Variants in C18orf54 observed in about 807,000 individuals in gnomAD.
C18orf54 encodes the protein lung adenoma susceptibility protein 2.
C18orf54 carries 49 observed loss-of-function variants against 49.3 expected under a neutral mutation model. The observed-to-expected ratio is 0.99, with a 90% CI of 0.79 to 1.26. The LOEUF (loss-of-function observed/expected upper bound fraction) is 1.26. Among genes scored for constraint, C18orf54 ranks in the 50% most tolerant of loss-of-function variants. The pLI, the probability that C18orf54 is intolerant of heterozygous loss-of-function variation, is 0.00. For synonymous variants in C18orf54, 211 were observed against 216.6 expected, an observed-to-expected ratio of 0.97 and a Z score of 0.23; for missense variants, 687 against 620.6, an observed-to-expected ratio of 1.11 and a Z score of -1.14.
rs988889013 is a variant in C18orf54 at position 54,380,947 on chromosome 18, G to A, written c.*2701G>A. On this transcript the variant is annotated 3_prime_UTR_variant, in exon 9 of 9. Transcript: ENST00000620105. ...TCAAAAGGCAAGTAGCATGAAAGAA[G>A]ACAGAAGAAGCAAAAGGCTAATACA... 6.6e-6 allele frequency: 1 copy of A among 152,100 alleles called. No individual in the cohort carries two copies. Among genetic ancestry groups the A allele is most frequent in the Non-Finnish European group, 1.5e-5 (1 of 67,980 alleles). 9.4% of individuals were successfully genotyped at this position (152,100 alleles called of 1,614,324 possible). A position where few individuals can be genotyped will look rare whatever the true frequency, so the allele number is the denominator to read the frequency against.
At position 54,375,176 on chromosome 18, in the gene C18orf54, T is replaced by A. The variant is rs750887084; in HGVS notation, c.1529+892T>A. ...ATACCTAATAGAATTCAGTGAATAA[T>A]GATAGTAATAGCTAACATTGAATGT... is the stretch of plus-strand genomic sequence containing the variant. On this transcript the variant is annotated intron_variant, in intron 8 of 8. Coordinates refer to ENST00000620105, the MANE Select transcript of C18orf54 (RefSeq NM_001288980.2). Among the ~76,000 whole-genome samples, 13 of 151,964 alleles carry A rather than the reference T, an allele frequency of 8.6e-5. No homozygotes were observed. The East Asian group carries it at 2.5e-3, about 29-fold the overall frequency.
At position 54,362,306 on chromosome 18, in the gene C18orf54, C is replaced by G. The variant is rs913307888; in HGVS notation, c.947C>G (p.Ser316Ter). ...TGTTTTGAATATGCTTTTGAACCCT[C>G]AAACTTTTCAAATTCCTTGAGTGAT... The part of the protein sequence containing the change: ...LDCFEYAFEP[S>*]NFSNSLSDDK... The change falls in exon 4 of 9, where the codon TCA becomes TGA. Residue 316 changes from serine to a stop codon, truncating the protein, a stop_gained. Coordinates refer to ENST00000620105, the MANE Select transcript of C18orf54 (RefSeq NM_001288980.2). LOFTEE classifies it high-confidence loss of function. 2 of 1,536,216 alleles carry G rather than the reference C, an allele frequency of 1.3e-6. No homozygotes were observed. The highest frequency in any genetic ancestry group is 8.7e-7 in the Non-Finnish European group (1 of 1,146,884).
Position 54,378,334 on chromosome 18 carries a change from T to A in C18orf54, c.*88T>A, listed in dbSNP as rs1023756004. On this transcript the variant is annotated 3_prime_UTR_variant, in exon 9 of 9. Transcript: ENST00000620105. ...ATTACTTAAACTGACAAAGTAAATA[T>A]AAGCCATACATTATTTTGTGGTTGG... 8.8e-7 allele frequency: 1 copy of A among 1,140,676 alleles called. No homozygotes were observed. The highest frequency in any genetic ancestry group is 1.6e-5 in the African/African-American group (1 of 64,046). The allele number at this position is 1,140,676 out of a possible 1,614,324, so 70.7% of individuals were successfully genotyped here.
intron 5 of C18orf54, among the ~76,000 whole-genome samples, chr18:54,363,352 C>T (rs950252700): frequency 2.6e-5 from 4 of 152,028 alleles, no homozygotes; most frequent in African/African-American, 4.8e-5. Flanking sequence ...GAGTCTTGCT[C>T]TGTCACCCAG....
chr18:54,377,474 A>G (rs906854670), intron 8 of C18orf54, among the ~76,000 whole-genome samples: 1 of 152,200 alleles, frequency 6.6e-6, no homozygotes, highest in African/African-American at 2.4e-5. Context: ...GAACTGAAAT[A>G]TAGGGGAGAG....
At chr18:54,366,568 T>G (rs1044844865) in intron 6 of C18orf54, among the ~76,000 whole-genome samples, 2 of 152,076 alleles carry the variant, frequency 1.3e-5, no homozygotes, top group Admixed American at 1.3e-4. Flanking sequence ...ATCTTGACTA[T>G]TGTGAATAAT....
intron 8 of C18orf54, among the ~76,000 whole-genome samples, chr18:54,376,254 G>C (rs2089568005): frequency 6.6e-6 from 1 of 152,180 alleles, no homozygotes; most frequent in South Asian, 2.1e-4. Flanking sequence ...GTCTGGCCTT[G>C]TCTAGTCCCT....
At chr18:54,378,026 T>C (rs2089604889) in intron 8 of C18orf54, 148 bp from the exon 9 acceptor site, 1 of 423,288 alleles carries the variant, frequency 2.4e-6, no homozygotes, top group African/African-American at 2.0e-5. Flanking sequence ...CAAGGTTTTA[T>C]AAGGAATAAG....
chr18:54,358,154 T>C (rs966196159), intron 1 of C18orf54, 79 bp downstream of exon 1: 21 of 152,488 alleles, frequency 1.4e-4, no homozygotes, highest in Admixed American at 1.2e-3. Context: ...GAGGGTGTCT[T>C]TTCGAGGGTT....
chr18:54,370,896 A>G (rs1190552359), intron 6 of C18orf54, among the ~76,000 whole-genome samples: 3 of 151,658 alleles, frequency 2.0e-5, no homozygotes, highest in South Asian at 2.1e-4. Context: ...CTCAGATGCT[A>G]TCTCCCAGGG....
At position 54,381,962 on chromosome 18, in the gene C18orf54, T is replaced by G. The variant is rs2089682160; in HGVS notation, c.*3716T>G. The stretch of plus-strand genomic sequence containing the variant: ...TTACATAGTGGTTTTAAATATTGAT[T>G]GATTGATATTCTAAACCTGGTTTCC... On this transcript the variant is annotated 3_prime_UTR_variant, in exon 9 of 9. Coordinates refer to ENST00000620105, the MANE Select transcript of C18orf54 (RefSeq NM_001288980.2). 1 of 152,244 alleles carries G rather than the reference T, an allele frequency of 6.6e-6. No homozygotes were observed. The highest frequency in any genetic ancestry group is 2.1e-4 in the South Asian group (1 of 4,834). The allele number at this position is 152,244 out of a possible 1,614,324, so 9.4% of individuals were successfully genotyped here.
In C18orf54 at chr18:54,365,767, A is replaced by C; in HGVS notation, c.1272A>C (p.Ser424=). 1 of 1,601,372 alleles carries C rather than the reference A, an allele frequency of 6.2e-7. No homozygotes were observed. The highest frequency in any genetic ancestry group is 1.1e-5 in the South Asian group (1 of 88,938). The part of the protein sequence containing the change: ...VNSDDSPQQT[S]RAKSAKGVLE... ...CTGATGATAGTCCTCAACAAACTTC[A>C]AGGGCAAAGAGTGCTAAAGGGGTTC... Residue 424 remains serine, a synonymous_variant, in exon 6 of 9, where the codon TCA becomes TCC. Coordinates refer to ENST00000620105, the MANE Select transcript of C18orf54 (RefSeq NM_001288980.2).
chr18:54,371,570 G>T (rs1180774922), intron 6 of C18orf54, among the ~76,000 whole-genome samples: 1 of 151,978 alleles, frequency 6.6e-6, no homozygotes. Flanking sequence ...TTCCTATACT[G>T]TTTTCTACAA....
chr18:54,373,868 A>C (rs185406748), intron 7 of C18orf54, among the ~76,000 whole-genome samples: 29 of 151,954 alleles, frequency 1.9e-4, no homozygotes, highest in African/African-American at 7.0e-4. Context: ...CTTACATTCT[A>C]ATAATCATAA....
At chr18:54,367,437 C>T (rs2089406230) in intron 6 of C18orf54, among the ~76,000 whole-genome samples, 1 of 151,998 alleles carries the variant, frequency 6.6e-6, no homozygotes, top group Non-Finnish European at 1.5e-5. Context: ...TTCTGTTGGT[C>T]TTGGTTATGT....
At position 54,379,396 on chromosome 18, in the gene C18orf54, T is replaced by A. The variant is rs2089629003; in HGVS notation, c.*1150T>A. 2 of 152,084 alleles carry A rather than the reference T, an allele frequency of 1.3e-5. No individual in the cohort carries two copies. Among genetic ancestry groups the A allele is most frequent in the Admixed American group, 1.3e-4 (2 of 15,272 alleles). The allele number at this position is 152,084 out of a possible 1,614,324, so 9.4% of individuals were successfully genotyped here. A position where few individuals can be genotyped will look rare whatever the true frequency, so the allele number is the denominator to read the frequency against. Reference sequence around the variant, plus strand: ...TCAGTAGATTATTGTCAAATAGGAATTTCTAAGCACATTGAGTCAAAGCAT... The same window carrying A: ...TCAGTAGATTATTGTCAAATAGGAAATTCTAAGCACATTGAGTCAAAGCAT... On this transcript the variant is annotated 3_prime_UTR_variant, in exon 9 of 9. Transcript: ENST00000620105.
At position 54,364,529 on chromosome 18, in the gene C18orf54, A is replaced by G. The variant is rs367679849; in HGVS notation, c.1224-1190A>G. The stretch of plus-strand genomic sequence containing the variant: ...GAATAGATCTCAGTTTGAGATTGAC[A>G]AATTATTATCAACCTGTCATCAAAA... On this transcript the variant is annotated intron_variant, in intron 5 of 8. Transcript: ENST00000620105. Among the ~76,000 whole-genome samples the G allele has an allele frequency of 1.1e-3, 173 of 152,220 alleles. 4 individuals carry two copies. The South Asian group carries it at 0.031, about 27-fold the overall frequency.
rs544649603 is a variant in C18orf54 at position 54,358,434 on chromosome 18, G to A, written c.-143-340G>A. On this transcript the variant is annotated intron_variant, in intron 1 of 8. Transcript: ENST00000620105. ...TCAGTCCATTGCTGCGCTCGCCCTG[G>A]CTGCTGAATAAATGGTTTCGGAGTG... Among the ~76,000 whole-genome samples the A allele has an allele frequency of 9.4e-4, 143 of 152,354 alleles. 1 individual carries two copies. Among genetic ancestry groups the A allele is most frequent in the African/African-American group, 3.2e-3 (134 of 41,582 alleles).
intron 7 of C18orf54, 90 bp downstream of exon 7, chr18:54,372,687 A>C: frequency 8.0e-7 from 1 of 1,248,452 alleles, no homozygotes; most frequent in Non-Finnish European, 1.1e-6. Context: ...TTATAGTTTT[A>C]TGTTAGTAAG....
Sources: allele counts gnomAD v4.1 joint callset (sites outside exome capture counted in the v4.1 genomes callset), GRCh38; gene constraint gnomAD v4.1.1; transcripts MANE v1.5; gene names NCBI Gene and HGNC (gene_info 2026-07-23, HGNC 2026-07-21).